The following ELAVL3 variants were observed in gnomAD, a reference collection of about 807,000 sequenced individuals.
The protein encoded by ELAVL3 is ELAV like RNA binding protein 3.
ELAVL3 carries 8 observed loss-of-function variants against 34.2 expected under a neutral mutation model. The observed-to-expected ratio is 0.23, with a 90% CI of 0.14 to 0.42. The LOEUF is 0.42. ELAVL3 is among the 10% of genes least tolerant of loss of function. The pLI, the probability that ELAVL3 is intolerant of heterozygous loss-of-function variation, is 1.00. For missense variants in ELAVL3, 273 were observed against 518.8 expected, an observed-to-expected ratio of 0.53 and a Z score of 4.60; for synonymous variants, 209 against 222.1, an observed-to-expected ratio of 0.94 and a Z score of 0.53.
chr19:11,478,586 T>G (rs1485101459), intron 1 of ELAVL3, among the ~76,000 whole-genome samples: 1 of 152,100 alleles, frequency 6.6e-6, no homozygotes, highest in Non-Finnish European at 1.5e-5. Context: ...CTCCAGTGCT[T>G]CTTCTAAGTC....
intron 3 of ELAVL3, among the ~76,000 whole-genome samples, chr19:11,464,113 G>GTC (rs1168224490): frequency 8.7e-6 from 1 of 115,234 alleles, no homozygotes; most frequent in Non-Finnish European, 1.7e-5. Flanking sequence ...CTCTCTCTCT[G>GTC]TCTCTCTCTG....
In ELAVL3 at chr19:11,454,599, C is replaced by G. The variant is rs776585368; in HGVS notation, c.1031G>C (p.Ser344Thr). ...NYDEAAMAIA[S>T]LNGYRLGERV... ...CTCGCCCAGGCGATAGCCGTTCAGG[C>G]TGGCGATGGCCATGGCCGCCTCGTC... Residue 344 changes from serine to threonine, a missense_variant, in exon 7 of 7, where the codon AGC becomes ACC. Coordinates refer to ENST00000359227, the MANE Select transcript of ELAVL3 (RefSeq NM_001420.4). This position sits in a 1 kb window ranked among gnomAD's most constrained non-coding sequence, Gnocchi z 9.2. The G allele has an allele frequency of 6.2e-7, 1 of 1,614,210 alleles. No individual in the cohort carries two copies.
chr19:11,474,193 T>G (rs372422730), intron 1 of ELAVL3, among the ~76,000 whole-genome samples: 1 of 152,044 alleles, frequency 6.6e-6, no homozygotes, highest in Non-Finnish European at 1.5e-5. Context: ...CCACCATGCC[T>G]GGCTAATTTT....
chr19:11,460,950 G>T (rs1016994110), intron 3 of ELAVL3, among the ~76,000 whole-genome samples: 1 of 149,440 alleles, frequency 6.7e-6, no homozygotes, highest in Non-Finnish European at 1.5e-5. Flanking sequence ...CCAGGAGTTT[G>T]AGACCAGCCT....
chr19:11,476,931 A>G (rs1971274145), intron 1 of ELAVL3, among the ~76,000 whole-genome samples: 1 of 152,002 alleles, frequency 6.6e-6, no homozygotes, highest in Non-Finnish European at 1.5e-5. Context: ...AAAATAAAAA[A>G]AAAAGAATTC....
chr19:11,459,734 C>T (rs537206315), intron 3 of ELAVL3, among the ~76,000 whole-genome samples: 8 of 152,152 alleles, frequency 5.3e-5, no homozygotes, highest in East Asian at 1.9e-4. Flanking sequence ...TATTGAAAGA[C>T]GGAGTCTTGC....
intron 1 of ELAVL3, among the ~76,000 whole-genome samples, chr19:11,474,398 C>A (rs1971224939): frequency 6.6e-6 from 1 of 152,110 alleles, no homozygotes; most frequent in Admixed American, 6.6e-5. Flanking sequence ...AGTTCCAGAC[C>A]AGCCTTGCCA....
rs1457467192 is a variant in ELAVL3, at chr19:11,466,151, A to G, written c.333+21T>C. On this transcript the variant is annotated intron_variant, in intron 3 of 6. Transcript: ENST00000359227. The surrounding 1 kb of genome is among the most constrained non-coding windows in gnomAD (Gnocchi z 5.0). ...CAGTTGGGGTGGGCGGTCATGGGGG[A>G]TTGGAGAAGGAGGCACCAACCTTGA... The G allele has an allele frequency of 6.2e-7, 1 of 1,609,996 alleles. No individual in the cohort carries two copies. The highest frequency in any genetic ancestry group is 1.3e-5 in the African/African-American group (1 of 74,684).
At chr19:11,462,041 G>A (rs1409629105) in intron 3 of ELAVL3, among the ~76,000 whole-genome samples, 2 of 152,144 alleles carry the variant, frequency 1.3e-5, no homozygotes, top group South Asian at 4.1e-4. Context: ...CAGGCGTGGT[G>A]GCGGGTGCCT....
At chr19:11,457,519 G>A (rs1284633161) in intron 5 of ELAVL3, among the ~76,000 whole-genome samples, 2 of 152,198 alleles carry the variant, frequency 1.3e-5, no homozygotes, top group Non-Finnish European at 2.9e-5. Context: ...AACTTGCCCC[G>A]GCCACCCGGG....
chr19:11,474,176 G>A (rs1971220197), intron 1 of ELAVL3, among the ~76,000 whole-genome samples: 2 of 152,156 alleles, frequency 1.3e-5, no homozygotes. Context: ...GGGACTACAG[G>A]CATGTGCCAC....
intron 3 of ELAVL3, among the ~76,000 whole-genome samples, chr19:11,464,167 A>ATATTT (rs1319720810): frequency 3.3e-4 from 34 of 103,836 alleles, no homozygotes; most frequent in Middle Eastern, 8.6e-3. Context: ...ATATATATAT[A>ATATTT]TTTTTTTTTT....
intron 1 of ELAVL3, among the ~76,000 whole-genome samples, chr19:11,468,917 A>G (rs906005103): frequency 1.3e-5 from 2 of 151,706 alleles, no homozygotes; most frequent in African/African-American, 4.8e-5. Context: ...ACCATTTTTT[A>G]GCTTTAATTA....
rs560277500 is a variant in ELAVL3 at position 11,451,841 on chromosome 19, C to T, written c.*2685G>A. 6.6e-6 allele frequency: 1 copy of T among 152,136 alleles called. No individual in the cohort carries two copies. Among genetic ancestry groups the T allele is most frequent in the Non-Finnish European group, 1.5e-5 (1 of 67,932 alleles). 9.4% of individuals were successfully genotyped at this position (152,136 alleles called of 1,614,324 possible). On this transcript the variant is annotated 3_prime_UTR_variant, in exon 7 of 7. Transcript: ENST00000359227. ...TGGGGAGGTGCCCCCTCTCTGGAGC[C>T]TGGCCCCCCCCAGGGTGGGGGACAA...
rs754381032 is a variant in ELAVL3, at chr19:11,466,856, C to G, written c.10-29G>C. The G allele has an allele frequency of 6.4e-7, 1 of 1,551,976 alleles. No individual in the cohort carries two copies. Among genetic ancestry groups the G allele is most frequent in the African/African-American group, 1.4e-5 (1 of 73,186 alleles). On this transcript the variant is annotated intron_variant, in intron 1 of 6. Coordinates refer to ENST00000359227, the MANE Select transcript of ELAVL3 (RefSeq NM_001420.4). The surrounding 1 kb of genome is among the most constrained non-coding windows in gnomAD (Gnocchi z 5.0). Reference sequence around the variant, plus strand: ...GAGATAACAGGTCGCATCCGCTCACCGCCCAGTCCCCACACCAGGGGCCTG... The same window carrying G: ...GAGATAACAGGTCGCATCCGCTCACGGCCCAGTCCCCACACCAGGGGCCTG...
At chr19:11,467,193 C>G (rs999459315) in intron 1 of ELAVL3, among the ~76,000 whole-genome samples, 1 of 152,066 alleles carries the variant, frequency 6.6e-6, no homozygotes, top group Admixed American at 6.6e-5. Context: ...GAAGCTGAGG[C>G]GGGCGGATCA....
At chr19:11,465,017 A>AC (rs1971004721) in intron 3 of ELAVL3, among the ~76,000 whole-genome samples, 1 of 117,760 alleles carries the variant, frequency 8.5e-6, no homozygotes, top group African/African-American at 4.0e-5. Flanking sequence ...ACATACATAC[A>AC]CATACACACA....
chr19:11,465,213 C>T (rs1411786370), intron 3 of ELAVL3, among the ~76,000 whole-genome samples: 2 of 144,762 alleles, frequency 1.4e-5, no homozygotes, highest in African/African-American at 5.2e-5. Flanking sequence ...CACACATACA[C>T]ACACACCACA....
At chr19:11,456,145 G>A (rs1046041181) in intron 6 of ELAVL3, among the ~76,000 whole-genome samples, 9 of 150,880 alleles carry the variant, frequency 6.0e-5, no homozygotes, top group African/African-American at 2.2e-4. Flanking sequence ...TCACTCTGTC[G>A]CCCAGGCTGG....
Sources: gnomAD v4.1 joint callset for allele counts (sites outside exome capture counted in the v4.1 genomes callset) on GRCh38, gnomAD v4.1.1 for gene constraint, Gnocchi (gnomAD v3.1) non-coding constraint, MANE v1.5 for transcripts, NCBI Gene and HGNC (gene_info 2026-07-23, HGNC 2026-07-21) for gene names.